The following PRKG2 variants were observed in gnomAD, a reference collection of about 807,000 sequenced individuals.
The protein encoded by PRKG2 is protein kinase cGMP-dependent 2, also known as cGMP-dependent protein kinase 2.
In PRKG2, 33 loss-of-function variants were observed where a neutral mutation model predicts 97.2. That is an observed-to-expected ratio of 0.34 (90% CI 0.26 to 0.45). PRKG2 has a LOEUF of 0.45. PRKG2 is among the 20% of genes least tolerant of loss of function. The probability of loss-of-function intolerance (pLI) is 1.00; values close to 1 mark genes in which losing one functional copy is unlikely to be tolerated. For synonymous variants in PRKG2, 330 were observed against 321.8 expected (o/e 1.03, Z -0.27); for missense variants, 638 against 900.0 (o/e 0.71, Z 3.73).
At chr4:81,156,143 T>C (rs890211585) in intron 6 of PRKG2, among the ~76,000 whole-genome samples, 2 of 152,158 alleles carry the variant, frequency 1.3e-5, no homozygotes, top group Non-Finnish European at 2.9e-5. Context: ...GCAAATTGGA[T>C]AAAGAGTCAA....
At chr4:81,193,623 T>C (rs1167670255) in intron 2 of PRKG2, among the ~76,000 whole-genome samples, 2 of 152,084 alleles carry the variant, frequency 1.3e-5, no homozygotes, top group Non-Finnish European at 2.9e-5. Context: ...GCAGATCACC[T>C]GAGGTCAGGA....
At chr4:81,148,769 T>A (rs926895136) in intron 9 of PRKG2, 115 bp downstream of exon 9, 4 of 884,460 alleles carry the variant, frequency 4.5e-6, no homozygotes, top group Non-Finnish European at 7.5e-6. Flanking sequence ...GCAGCTGAGA[T>A]CGGCCAGTAT....
chr4:81,157,402 G>T (rs1206957899), intron 6 of PRKG2, among the ~76,000 whole-genome samples: 1 of 152,150 alleles, frequency 6.6e-6, no homozygotes, highest in African/African-American at 2.4e-5. Context: ...TCTCTGAATA[G>T]ACCAATAACA....
chr4:81,149,075 T>C, intron 8 of PRKG2, 123 bp from the exon 9 acceptor site: 1 of 883,962 alleles, frequency 1.1e-6, no homozygotes, highest in South Asian at 1.5e-5. Flanking sequence ...CAAAAACTGC[T>C]GCTTTTAAAC....
chr4:81,215,151 G>T lies in PRKG2; in HGVS notation c.-229C>A. 1 of 152,602 alleles carries T rather than the reference G, an allele frequency of 6.6e-6. No individual in the cohort carries two copies. Among genetic ancestry groups the T allele is most frequent in the Non-Finnish European group, 1.5e-5 (1 of 68,252 alleles). The allele number at this position is 152,602 out of a possible 1,614,324, so 9.5% of individuals were successfully genotyped here. On this transcript the variant is annotated 5_prime_UTR_variant, in exon 1 of 19. Transcript: ENST00000264399. ...CGGCTACGTGTGAGCCGGGGGCGCG[G>T]GTTAGCGCGATGCGGGCAGGAGCTG...
chr4:81,142,234 A>C lies in PRKG2; in HGVS notation c.1407+560T>G, dbSNP rs903835434. On this transcript the variant is annotated intron_variant, in intron 11 of 18. Coordinates refer to ENST00000264399, the MANE Select transcript of PRKG2 (RefSeq NM_006259.3). ...TAAGTTCCCAGATATCCTGATCAAC[A>C]CTACAGAAGGCTTCTCTTCAAATAT... Among the ~76,000 whole-genome samples, 4 of 152,226 alleles carry C rather than the reference A, an allele frequency of 2.6e-5. No individual in the cohort carries two copies. In the South Asian group the frequency reaches 8.3e-4, roughly 31 times the overall value.
intron 6 of PRKG2, among the ~76,000 whole-genome samples, chr4:81,155,823 C>T (rs1299265193): frequency 6.8e-6 from 1 of 148,026 alleles, no homozygotes; most frequent in Admixed American, 6.8e-5. Context: ...CATATCCAGC[C>T]AAACTAAGCT....
chr4:81,121,798 A>C (rs1225541787), intron 14 of PRKG2, among the ~76,000 whole-genome samples: 1 of 151,984 alleles, frequency 6.6e-6, no homozygotes, highest in Admixed American at 6.5e-5. Flanking sequence ...TTTTGGTTTC[A>C]TTCATTCTTA....
chr4:81,170,774 T>C (rs1338378153), intron 4 of PRKG2, among the ~76,000 whole-genome samples: 1 of 152,160 alleles, frequency 6.6e-6, no homozygotes, highest in Non-Finnish European at 1.5e-5. Flanking sequence ...CTAATTACTC[T>C]AATTCATATT....
rs538364796 is a variant in PRKG2 at position 81,112,612 on chromosome 4, T to C, written c.1777-2001A>G. On this transcript the variant is annotated intron_variant, in intron 14 of 18. Transcript: ENST00000264399. ...TGGTTTAGCTTTTGTAATATTTGCA[T>C]ATTGGCCTAAAGAGATGGCAATACT... 2.0e-5 allele frequency among the ~76,000 whole-genome samples: 3 copies of C among 152,336 alleles called. No individual in the cohort carries two copies. The South Asian group carries it at 6.2e-4, about 32-fold the overall frequency.
rs537827054 is a variant in PRKG2, at chr4:81,200,885, T to G, written c.461+3702A>C. On this transcript the variant is annotated intron_variant, in intron 2 of 18. Transcript: ENST00000264399. ...TTATAGAAACAGGCTACATGCCCAC[T>G]GCATGCTGCATGGTTTTGATGATCT... 1.6e-4 allele frequency among the ~76,000 whole-genome samples: 24 copies of G among 152,312 alleles called. No homozygotes were observed. In the East Asian group the frequency reaches 4.6e-3, roughly 29 times the overall value.
At chr4:81,201,900 C>T (rs1415580338) in intron 2 of PRKG2, among the ~76,000 whole-genome samples, 1 of 152,110 alleles carries the variant, frequency 6.6e-6, no homozygotes, top group African/African-American at 2.4e-5. Context: ...GAAGGGTGAA[C>T]ATTGTCCAAA....
At chr4:81,154,765 C>T (rs903620037) in intron 6 of PRKG2, among the ~76,000 whole-genome samples, 56 of 152,290 alleles carry the variant, frequency 3.7e-4, no homozygotes, top group African/African-American at 1.2e-3. Flanking sequence ...CAAAGCTGGA[C>T]GGAGAATGAC....
chr4:81,151,362 A>G (rs770771408), intron 8 of PRKG2, among the ~76,000 whole-genome samples: 3 of 152,092 alleles, frequency 2.0e-5, no homozygotes, highest in African/African-American at 7.2e-5. Context: ...TATGAGTTCC[A>G]GGAAATGCAA....
intron 4 of PRKG2, 56 bp from the exon 5 acceptor site, chr4:81,169,824 C>T (rs1277249841): frequency 7.1e-6 from 8 of 1,129,482 alleles, no homozygotes; most frequent in Non-Finnish European, 8.9e-6. Flanking sequence ...TGAAAACATT[C>T]CAAAATATAA....
At chr4:81,133,746 T>C (rs1474932729) in intron 14 of PRKG2, among the ~76,000 whole-genome samples, 1 of 152,182 alleles carries the variant, frequency 6.6e-6, no homozygotes, top group Non-Finnish European at 1.5e-5. Context: ...ATTAGCAGAA[T>C]GGATAACAGC....
At position 81,151,807 on chromosome 4, in the gene PRKG2, G is replaced by A. The variant is rs78846696; in HGVS notation, c.1085+153C>T. Among the ~76,000 whole-genome samples, 14,493 of 152,010 alleles carry A rather than the reference G, an allele frequency of 0.095. 922 individuals are homozygous for A. Among genetic ancestry groups the A allele is most frequent in the Middle Eastern group, 0.2 (57 of 292 alleles). Reference sequence around the variant, plus strand: ...CTGCAAATTAGCATACTCATTTCCCGCATAAAAATTTAAGAAATCACTTCA... The same window carrying A: ...CTGCAAATTAGCATACTCATTTCCCACATAAAAATTTAAGAAATCACTTCA... On this transcript the variant is annotated intron_variant, in intron 8 of 18. Transcript: ENST00000264399.
chr4:81,123,531 A>C lies in PRKG2; in HGVS notation c.1776+11624T>G, dbSNP rs182801876. 9.7e-4 allele frequency among the ~76,000 whole-genome samples: 148 copies of C among 152,220 alleles called. 2 individuals are homozygous for C. Among genetic ancestry groups the C allele is most frequent in the African/African-American group, 3.3e-3 (138 of 41,532 alleles). On this transcript the variant is annotated intron_variant, in intron 14 of 18. Coordinates refer to ENST00000264399, the MANE Select transcript of PRKG2 (RefSeq NM_006259.3). ...GCCATTCTCCTGCCTCAGCCTCCCA[A>C]GGAGCTGGGACTACAGGTGCCTGCC...
chr4:81,122,560 A>T (rs1423775504), intron 14 of PRKG2, among the ~76,000 whole-genome samples: 1 of 152,214 alleles, frequency 6.6e-6, no homozygotes, highest in Non-Finnish European at 1.5e-5. Context: ...ACACCATTAC[A>T]GACTCCAAAG....
Sources: allele counts gnomAD v4.1 joint callset (sites outside exome capture counted in the v4.1 genomes callset), GRCh38; gene constraint gnomAD v4.1.1; transcripts MANE v1.5; gene names NCBI Gene and HGNC (gene_info 2026-07-23, HGNC 2026-07-21).